CNTNAP5: variants seen among roughly 807,000 people sequenced by gnomAD.
CNTNAP5 encodes contactin-associated protein-like 5.
A neutral mutation model predicts 150.2 loss-of-function variants in CNTNAP5; 72 were observed. That is an observed-to-expected ratio of 0.48 (90% CI 0.40 to 0.58). CNTNAP5 has a LOEUF of 0.58. Ranked by LOEUF, CNTNAP5 falls within the 20% of genes least tolerant of loss-of-function variation. The probability of loss-of-function intolerance (pLI) is 0.00; values close to 1 mark genes in which losing one functional copy is unlikely to be tolerated. For missense variants in CNTNAP5, 1,636 were observed against 1,626.2 expected (o/e 1.01, Z -0.10); for synonymous variants, 672 against 619.8 (o/e 1.08, Z -1.25).
intron 1 of CNTNAP5, among the ~76,000 whole-genome samples, chr2:124,205,387 A>G (rs2104716009): frequency 6.6e-6 from 1 of 151,682 alleles, no homozygotes; most frequent in South Asian, 2.1e-4. Context: ...AGCAATGTGG[A>G]ACTGTGTCAA....
chr2:124,133,491 G>C (rs1683908255), intron 1 of CNTNAP5, among the ~76,000 whole-genome samples: 1 of 152,000 alleles, frequency 6.6e-6, no homozygotes, highest in South Asian at 2.1e-4. Flanking sequence ...TTGGGGCAAG[G>C]GCATGTGTCA....
intron 6 of CNTNAP5, among the ~76,000 whole-genome samples, chr2:124,461,085 T>G (rs1484035064): frequency 6.6e-6 from 1 of 152,052 alleles, no homozygotes; most frequent in African/African-American, 2.4e-5. Context: ...GGTGGGACTG[T>G]AAACTAGTTC....
intron 19 of CNTNAP5, among the ~76,000 whole-genome samples, chr2:124,841,384 T>G (rs888045620): frequency 6.6e-6 from 1 of 151,964 alleles, no homozygotes; most frequent in African/African-American, 2.4e-5. Context: ...TCCATCTTTT[T>G]TTTTTTTTAA....
rs375942967 is a variant in CNTNAP5 at position 124,327,276 on chromosome 2, G to A, written c.381+84883G>A. On this transcript the variant is annotated intron_variant, in intron 3 of 23. Transcript: ENST00000682447. ...ATTACAGGCATGAGCCACTGCGCCC[G>A]GCAGATCCTGTTTTAAAAACAAAAA... is the stretch of plus-strand genomic sequence containing the variant. Among the ~76,000 whole-genome samples the A allele has an allele frequency of 1.1e-4, 16 of 152,022 alleles. No individual in the cohort carries two copies. In the East Asian group the frequency reaches 2.3e-3, roughly 22 times the overall value.
In CNTNAP5 at chr2:124,328,278, T is replaced by C. The variant is rs531394416; in HGVS notation, c.381+85885T>C. 3.0e-3 allele frequency among the ~76,000 whole-genome samples: 460 copies of C among 152,306 alleles called. 3 individuals carry two copies. Among genetic ancestry groups the C allele is most frequent in the Non-Finnish European group, 5.0e-3 (338 of 68,026 alleles). On this transcript the variant is annotated intron_variant, in intron 3 of 23. Transcript: ENST00000682447. ...TGGTTTCTACATTGCAGATTTTACA[T>C]TGATGTTCTCTGTTCTTCAAACCAG...
intron 19 of CNTNAP5, among the ~76,000 whole-genome samples, chr2:124,856,739 G>A (rs565219294): frequency 2.4e-4 from 37 of 152,268 alleles, no homozygotes; most frequent in African/African-American, 8.2e-4. Flanking sequence ...AGTATTAGAG[G>A]TGCTTTGAAA....
intron 3 of CNTNAP5, among the ~76,000 whole-genome samples, chr2:124,278,726 A>G (rs17722749): frequency 0.076 from 11,543 of 152,252 alleles, 600 homozygotes; most frequent in Non-Finnish European, 0.12. Flanking sequence ...AAAGATATGC[A>G]TACATATTGA....
intron 3 of CNTNAP5, among the ~76,000 whole-genome samples, chr2:124,349,557 T>C (rs1478535700): frequency 1.3e-5 from 2 of 152,182 alleles, no homozygotes; most frequent in African/African-American, 2.4e-5. Context: ...GAGTCCCGTA[T>C]ATAGTAAAAG....
Position 124,193,181 on chromosome 2 carries a change from A to C in CNTNAP5, c.83-28524A>C, listed in dbSNP as rs147730974. On this transcript the variant is annotated intron_variant, in intron 1 of 23. Transcript: ENST00000682447. ...TACTGGATAAAGGCCCACCTTCCTT[A>C]ATGGCCTTAGCTTAGCTTAATTAAA... Among the ~76,000 whole-genome samples the C allele has an allele frequency of 3.8e-4, 58 of 152,300 alleles. 1 individual carries two copies. Among genetic ancestry groups the C allele is most frequent in the Non-Finnish European group, 6.9e-4 (47 of 68,020 alleles).
intron 13 of CNTNAP5, among the ~76,000 whole-genome samples, chr2:124,741,184 T>C (rs1255427052): frequency 6.6e-6 from 1 of 152,138 alleles, no homozygotes; most frequent in Non-Finnish European, 1.5e-5. Context: ...ACATCTAAAC[T>C]TAGAAAAATG....
intron 7 of CNTNAP5, among the ~76,000 whole-genome samples, chr2:124,502,865 C>T (rs1694308699): frequency 6.6e-6 from 1 of 152,150 alleles, no homozygotes; most frequent in East Asian, 1.9e-4. Context: ...GTTAGACAAA[C>T]ATGGGTTTGT....
rs1301368069 is a variant in CNTNAP5 at position 124,916,458 on chromosome 2, A to T, written c.*2170A>T. ...TCCTTTGTCCCCTGAAATAAAAGTC[A>T]CCATGAAGTGTAGTAGGTTTAGCCT... On this transcript the variant is annotated 3_prime_UTR_variant, in exon 24 of 24. Transcript: ENST00000682447. 6.6e-6 allele frequency among the ~76,000 whole-genome samples: 1 copy of T among 152,050 alleles called. No homozygotes were observed. The highest frequency in any genetic ancestry group is 1.5e-5 in the Non-Finnish European group (1 of 67,984).
intron 1 of CNTNAP5, among the ~76,000 whole-genome samples, chr2:124,113,400 A>G (rs1439278109): frequency 2.0e-5 from 3 of 151,992 alleles, no homozygotes; most frequent in African/African-American, 7.2e-5. Context: ...AGTACTCTAT[A>G]CCTCTATGCT....
At chr2:124,865,852 G>A (rs1053702008) in intron 20 of CNTNAP5, among the ~76,000 whole-genome samples, 1 of 152,014 alleles carries the variant, frequency 6.6e-6, no homozygotes, top group South Asian at 2.1e-4. Context: ...GCTGAGGCAG[G>A]AGAATCGCTT....
chr2:124,451,245 A>G lies in CNTNAP5; in HGVS notation c.918+4308A>G, dbSNP rs556064571. On this transcript the variant is annotated intron_variant, in intron 6 of 23. Transcript: ENST00000682447. The stretch of plus-strand genomic sequence containing the variant: ...TCAATGAAAATTCTTAGTCAAAAAA[A>G]CAAACAAAAAATTAGATTGAACTAA... 1.7e-4 allele frequency among the ~76,000 whole-genome samples: 25 copies of G among 151,320 alleles called. 1 individual carries two copies. The highest frequency in any genetic ancestry group is 2.5e-4 in the Non-Finnish European group (17 of 67,842).
chr2:124,913,074 T>C (rs756140827), intron 23 of CNTNAP5, among the ~76,000 whole-genome samples: 3 of 152,092 alleles, frequency 2.0e-5, no homozygotes, highest in Non-Finnish European at 4.4e-5. Flanking sequence ...ATGCAATCCA[T>C]TTATGAAACT....
intron 10 of CNTNAP5, among the ~76,000 whole-genome samples, chr2:124,532,776 T>G (rs999394259): frequency 2.0e-5 from 3 of 152,158 alleles, no homozygotes; most frequent in Non-Finnish European, 4.4e-5. Context: ...AACCTACCTT[T>G]GTGCTAAGAG....
At chr2:124,767,797 A>G (rs1168376116) in intron 16 of CNTNAP5, among the ~76,000 whole-genome samples, 1 of 152,202 alleles carries the variant, frequency 6.6e-6, no homozygotes, top group Non-Finnish European at 1.5e-5. Flanking sequence ...TGTTTTCAGT[A>G]GTTTAACAAA....
intron 12 of CNTNAP5, among the ~76,000 whole-genome samples, chr2:124,640,680 G>A (rs969448390): frequency 1.3e-5 from 2 of 152,104 alleles, no homozygotes; most frequent in African/African-American, 2.4e-5. Flanking sequence ...AAGGTCGGGC[G>A]GGGGGAAGGT....
Sources: allele counts gnomAD v4.1 joint callset (sites outside exome capture counted in the v4.1 genomes callset), GRCh38; gene constraint gnomAD v4.1.1; transcripts MANE v1.5; gene names NCBI Gene and HGNC (gene_info 2026-07-23, HGNC 2026-07-21).